CWC22: variants seen among roughly 807,000 people sequenced by gnomAD.
CWC22 encodes the protein CWC22 spliceosome associated protein, also known as pre-mRNA-splicing factor CWC22 homolog.
A neutral mutation model predicts 117.2 loss-of-function variants in CWC22; 53 were observed. The ratio of observed to expected loss-of-function variants is 0.45; its 90% confidence interval spans 0.36 to 0.57. CWC22 has a LOEUF of 0.57. Among genes scored for constraint, CWC22 ranks in the 20% least tolerant of loss-of-function variants. The pLI, the probability that CWC22 is intolerant of heterozygous loss-of-function variation, is 0.00. For synonymous variants in CWC22, 360 were observed against 355.6 expected, an observed-to-expected ratio of 1.01 and a Z score of -0.14; for missense variants, 980 against 1,068.8, an observed-to-expected ratio of 0.92 and a Z score of 1.16.
intron 8 of CWC22, 51 bp downstream of exon 8, chr2:179,973,142 C>T (rs986376712): frequency 1.6e-6 from 2 of 1,271,678 alleles, no homozygotes; most frequent in African/African-American, 2.9e-5. Flanking sequence ...GGCATCAACC[C>T]TCTGGTCTAA....
At chr2:179,953,569 A>T (rs1338447894) in intron 16 of CWC22, among the ~76,000 whole-genome samples, 1 of 152,124 alleles carries the variant, frequency 6.6e-6, no homozygotes, top group Non-Finnish European at 1.5e-5. Context: ...ACCTCTCTCA[A>T]TGACTCAGTA....
rs1687998482 is a variant in CWC22 at position 180,007,001 on chromosome 2, C to T, written c.-248G>A. The T allele has an allele frequency of 6.6e-6, 1 of 152,256 alleles. No homozygotes were observed. The highest frequency in any genetic ancestry group is 1.5e-5 in the Non-Finnish European group (1 of 68,094). The allele number at this position is 152,256 out of a possible 1,614,324, so 9.4% of individuals were successfully genotyped here. A position where few individuals can be genotyped will look rare whatever the true frequency, so the allele number is the denominator to read the frequency against. Reference sequence around the variant, plus strand: ...TCCTGGGGGTCTTTTACTTCCCACCCGATCCGGCGACCCGCCACCCCCACT... The same window carrying T: ...TCCTGGGGGTCTTTTACTTCCCACCTGATCCGGCGACCCGCCACCCCCACT... On this transcript the variant is annotated 5_prime_UTR_variant, in exon 1 of 20. Coordinates refer to ENST00000410053, the MANE Select transcript of CWC22 (RefSeq NM_020943.3).
chr2:179,959,493 A>T (rs958128723), intron 13 of CWC22, among the ~76,000 whole-genome samples: 2 of 152,114 alleles, frequency 1.3e-5, no homozygotes, highest in African/African-American at 4.8e-5. Context: ...AATATAATAA[A>T]ACCACCTGCA....
chr2:179,970,587 G>A (rs201103462), intron 10 of CWC22, 24 bp from the exon 11 acceptor site: 8 of 1,554,426 alleles, frequency 5.1e-6, no homozygotes, highest in South Asian at 2.4e-5. Flanking sequence ...AAAAGTTAAT[G>A]TTTATTTTCT....
chr2:179,961,061 C>A (rs768285940), intron 13 of CWC22, among the ~76,000 whole-genome samples: 2 of 151,968 alleles, frequency 1.3e-5, no homozygotes, highest in Non-Finnish European at 2.9e-5. Flanking sequence ...TAGCTTGGTT[C>A]ATCCTAAACA....
intron 1 of CWC22, among the ~76,000 whole-genome samples, chr2:179,997,341 A>G (rs1444327765): frequency 6.6e-6 from 1 of 152,106 alleles, no homozygotes; most frequent in Admixed American, 6.5e-5. Flanking sequence ...AAAGTACAAA[A>G]TGTAGCTTAA....
At chr2:179,983,287 C>T (rs1687331389) in intron 4 of CWC22, among the ~76,000 whole-genome samples, 1 of 152,042 alleles carries the variant, frequency 6.6e-6, no homozygotes. Context: ...CTCCATAAGG[C>T]CCCAGTGTGT....
At position 179,958,314 on chromosome 2, in the gene CWC22, TAGTG is replaced by T. The variant is rs1252464531; in HGVS notation, c.1458+704_1458+707del. ...CCACTGCACTCTAGCCTGGGCGACA[TAGTG>T]AGACTCTGGCTCAAAAAAAAAAAAA... On this transcript the variant is annotated intron_variant, in intron 14 of 19. Transcript: ENST00000410053. Among the ~76,000 whole-genome samples, 3 of 115,642 alleles carry T rather than the reference TAGTG, an allele frequency of 2.6e-5. No homozygotes were observed. In the East Asian group the frequency reaches 7.2e-4, roughly 28 times the overall value. 75.9% of individuals were successfully genotyped at this position (115,642 alleles called of 152,430 possible). A position where few individuals can be genotyped will look rare whatever the true frequency, so the allele number is the denominator to read the frequency against.
At chr2:179,966,373 G>C (rs149490174) in intron 11 of CWC22, among the ~76,000 whole-genome samples, 289 of 152,268 alleles carry the variant, frequency 1.9e-3, no homozygotes, top group Admixed American at 3.5e-3. Context: ...GTTAAGGCTA[G>C]ATACAGAAAA....
At chr2:179,998,191 T>A (rs766446937) in intron 1 of CWC22, among the ~76,000 whole-genome samples, 1 of 152,190 alleles carries the variant, frequency 6.6e-6, no homozygotes, top group Non-Finnish European at 1.5e-5. Flanking sequence ...ATGAGCCACT[T>A]AGGCAGAATA....
At chr2:180,001,297 T>C (rs1248981563) in intron 1 of CWC22, among the ~76,000 whole-genome samples, 1 of 152,066 alleles carries the variant, frequency 6.6e-6, no homozygotes, top group Non-Finnish European at 1.5e-5. Context: ...TTGTGATATG[T>C]AAGTTCACAC....
intron 14 of CWC22, among the ~76,000 whole-genome samples, chr2:179,955,514 G>A (rs1388370766): frequency 1.3e-5 from 2 of 151,824 alleles, no homozygotes; most frequent in Non-Finnish European, 2.9e-5. Flanking sequence ...GCATAAGTAG[G>A]TACAACTTCA....
intron 2 of CWC22, among the ~76,000 whole-genome samples, chr2:179,992,364 C>T (rs1161064876): frequency 6.6e-6 from 1 of 152,144 alleles, no homozygotes; most frequent in Non-Finnish European, 1.5e-5. Context: ...CTTCTGATAC[C>T]TGCTCCACTC....
intron 11 of CWC22, 29 bp from the exon 12 acceptor site, chr2:179,966,011 A>G (rs769322457): frequency 6.4e-7 from 1 of 1,565,024 alleles, no homozygotes; most frequent in Non-Finnish European, 8.7e-7. Flanking sequence ...GTTTAGGAAA[A>G]AAATGTGCAA....
At chr2:179,984,220 G>A (rs1012801049) in intron 4 of CWC22, among the ~76,000 whole-genome samples, 1 of 152,088 alleles carries the variant, frequency 6.6e-6, no homozygotes, top group African/African-American at 2.4e-5. Flanking sequence ...TCTACCAGAT[G>A]TTTAAATGCA....
rs376073382 is a variant in CWC22 at position 179,991,529 on chromosome 2, G to A, written c.27+1786C>T. ...AAATGAAGCCACCCACGGGCAGGCT[G>A]GGGGAGAAAATGCTACAGGAGACCC... is the stretch of plus-strand genomic sequence containing the variant. On this transcript the variant is annotated intron_variant, in intron 2 of 19. Transcript: ENST00000410053. Among the ~76,000 whole-genome samples, 94 of 152,278 alleles carry A rather than the reference G, an allele frequency of 6.2e-4. 2 individuals carry two copies. Among genetic ancestry groups the A allele is most frequent in the Middle Eastern group, 3.4e-3 (1 of 294 alleles).
At chr2:179,989,573 G>T (rs747715165) in intron 2 of CWC22, among the ~76,000 whole-genome samples, 1 of 152,036 alleles carries the variant, frequency 6.6e-6, no homozygotes, top group Non-Finnish European at 1.5e-5. Context: ...TACTTTTAGG[G>T]TATAAGCACT....
rs969026637 is a variant in CWC22, at chr2:179,958,886, T to C, written c.1458+136A>G. 25 of 542,082 alleles carry C rather than the reference T, an allele frequency of 4.6e-5. No individual in the cohort carries two copies. In the Admixed American group the frequency reaches 7.5e-4, roughly 16 times the overall value. 33.6% of individuals were successfully genotyped at this position (542,082 alleles called of 1,614,324 possible). A position where few individuals can be genotyped will look rare whatever the true frequency, so the allele number is the denominator to read the frequency against. The stretch of plus-strand genomic sequence containing the variant: ...CCCTAAGCTTTGTGTTAACTTAAAA[T>C]GATATAAAACCTACATTAAAAAATA... On this transcript the variant is annotated intron_variant, in intron 14 of 19. Transcript: ENST00000410053.
rs1256560504 is a variant in CWC22 at position 179,965,957 on chromosome 2, G to T, written c.1236C>A (p.Asp412Glu). 1.2e-6 allele frequency: 2 copies of T among 1,611,700 alleles called. No homozygotes were observed. The highest frequency in any genetic ancestry group is 2.2e-5 in the South Asian group (2 of 90,864). Residue 412 changes from aspartate to glutamate, a missense_variant, in exon 12 of 20, where the codon GAC (aspartate) becomes GAA (glutamate). Asp to Glu is a conservative substitution (Grantham distance 45). This residue lies in a region of CWC22 where 559 missense variants were observed against 602.3 expected (regional missense o/e 0.93). Coordinates refer to ENST00000410053, the MANE Select transcript of CWC22 (RefSeq NM_020943.3). ...KKEILDEGDT[D>E]SNTDQDAGSS... is the part of the protein sequence containing the mutation. ...TCCCAGCATCCTGGTCTGTGTTCGA[G>T]TCAGTATCTCCCTCATCAAGAATTT...
Sources: gnomAD v4.1 joint callset for allele counts (sites outside exome capture counted in the v4.1 genomes callset) on GRCh38, gnomAD v4.1.1 for gene constraint, gnomAD v4.1.1 regional missense constraint, MANE v1.5 for transcripts, NCBI Gene and HGNC (gene_info 2026-07-23, HGNC 2026-07-21) for gene names.